PRPF4: variants seen among roughly 807,000 people sequenced by gnomAD.
PRPF4 encodes pre-mRNA splicing tri-snRNP complex factor PRPF4.
Under a neutral mutation model 72.2 loss-of-function variants are expected in PRPF4, and 14 were observed. The ratio of observed to expected loss-of-function variants is 0.19; its 90% CI spans 0.13 to 0.30. The LOEUF is 0.30. Ranked by LOEUF, PRPF4 falls within the 10% of genes least tolerant of loss-of-function variation. The pLI, the probability that PRPF4 is intolerant of heterozygous loss-of-function variation, is 1.00. For missense variants in PRPF4, 478 were observed against 653.9 expected (o/e 0.73, Z 2.93); for synonymous variants, 225 against 232.2 (o/e 0.97, Z 0.28).
chr9:113,280,341 C>T (rs139827581), intron 3 of PRPF4, among the ~76,000 whole-genome samples: 239 of 152,278 alleles, frequency 1.6e-3, no homozygotes, highest in South Asian at 0.013. Context: ...ATCAGCTCTA[C>T]TCCCATGGCA....
At chr9:113,282,307 T>C (rs150181753) in intron 3 of PRPF4, among the ~76,000 whole-genome samples, 62 of 152,190 alleles carry the variant, frequency 4.1e-4, no homozygotes, top group African/African-American at 1.5e-3. Flanking sequence ...CCCTTCTCTC[T>C]ACAGAAAAAT....
chr9:113,276,705 G>T lies in PRPF4; in HGVS notation c.185G>T (p.Gly62Val). The T allele has an allele frequency of 6.2e-7, 1 of 1,613,104 alleles. No homozygotes were observed. Among genetic ancestry groups the T allele is most frequent in the Non-Finnish European group, 8.5e-7 (1 of 1,179,580 alleles). Residue 62 changes from glycine to valine, a missense_variant, in exon 2 of 14, where the codon GGA becomes GTA. Coordinates refer to ENST00000374198, the MANE Select transcript of PRPF4 (RefSeq NM_001244926.2). Reference sequence around the variant, plus strand: ...GGACTTAAAGCAGGGATCGAAGCTGGAAATATTAATATAACCTCTGGTAAG... The same window carrying T: ...GGACTTAAAGCAGGGATCGAAGCTGTAAATATTAATATAACCTCTGGTAAG... ...KDGLKAGIEAGNINITSGEVF... is the reference protein window; with the variant it reads ...KDGLKAGIEAVNINITSGEVF...
chr9:113,282,781 G>A (rs760373913), intron 4 of PRPF4, 48 bp downstream of exon 4: 2 of 1,420,506 alleles, frequency 1.4e-6, no homozygotes, highest in Non-Finnish European at 2.0e-6. Context: ...GGAAATGAGG[G>A]GATAGGTCTC....
intron 8 of PRPF4, 31 bp downstream of exon 8, chr9:113,286,321 T>G: frequency 6.4e-7 from 1 of 1,568,674 alleles, no homozygotes; most frequent in South Asian, 1.1e-5. Context: ...AATCTCGGTC[T>G]TTTTCCCAGT....
intron 2 of PRPF4, 25 bp downstream of exon 2, chr9:113,276,750 C>T (rs1316801283): frequency 6.3e-7 from 1 of 1,583,104 alleles, no homozygotes; most frequent in African/African-American, 1.4e-5. Flanking sequence ...GTGAGCCCAT[C>T]TTTACCTCTT....
chr9:113,292,508 G>C lies in PRPF4; in HGVS notation c.*848G>C. 1 of 152,220 alleles carries C rather than the reference G, an allele frequency of 6.6e-6. No individual in the cohort carries two copies. The highest frequency in any genetic ancestry group is 6.5e-5 in the Admixed American group (1 of 15,280). 9.4% of individuals were successfully genotyped at this position (152,220 alleles called of 1,614,324 possible). A position where few individuals can be genotyped will look rare whatever the true frequency, so the allele number is the denominator to read the frequency against. On this transcript the variant is annotated 3_prime_UTR_variant, in exon 14 of 14. Transcript: ENST00000374198. ...GCAGCCACGCCGATGGTTATACAGT[G>C]AAGAAGACTTCACCTCTTCCTATTG...
intron 10 of PRPF4, among the ~76,000 whole-genome samples, chr9:113,288,907 A>G (rs552550771): frequency 1.2e-4 from 19 of 152,348 alleles, no homozygotes; most frequent in African/African-American, 4.6e-4. Context: ...GTTATAATTT[A>G]CATACAATGG....
chr9:113,285,459 A>T (rs1350434770), intron 7 of PRPF4, among the ~76,000 whole-genome samples: 4 of 133,300 alleles, frequency 3.0e-5, no homozygotes, highest in African/African-American at 8.5e-5. Context: ...GCTCACTGCA[A>T]GCTCCACCTC....
intron 13 of PRPF4, 100 bp downstream of exon 13, chr9:113,291,116 A>G: frequency 8.1e-7 from 1 of 1,232,514 alleles, no homozygotes; most frequent in Non-Finnish European, 1.2e-6. Flanking sequence ...GCAGTAAAAC[A>G]GGAGAGAAAT....
chr9:113,280,871 C>G (rs1433690175), intron 3 of PRPF4, among the ~76,000 whole-genome samples: 1 of 151,774 alleles, frequency 6.6e-6, no homozygotes, highest in South Asian at 2.1e-4. Flanking sequence ...AACGGAGTCT[C>G]GCTCTGTCAC....
At chr9:113,277,210 TTTC>T (rs1330204472) in intron 2 of PRPF4, among the ~76,000 whole-genome samples, 1 of 152,176 alleles carries the variant, frequency 6.6e-6, no homozygotes, top group East Asian at 1.9e-4. Flanking sequence ...TTATATAGTT[TTTC>T]TTCTATGAGT....
At chr9:113,277,589 T>A (rs1271229381) in intron 2 of PRPF4, among the ~76,000 whole-genome samples, 1 of 152,110 alleles carries the variant, frequency 6.6e-6, no homozygotes, top group Non-Finnish European at 1.5e-5. Context: ...TTTCACCATG[T>A]TGCCCAGGCT....
In PRPF4 at chr9:113,279,066, T is replaced by C; in HGVS notation, c.327T>C (p.Ala109=). ...CCACAGATGACTCAGAGGTCAAAGC[T>C]TGCCTTAGAGCCTTGGGGGAACCCA... ...NVSTDDSEVK[A]CLRALGEPIT... The change falls in exon 3 of 14, where the codon GCT becomes GCC. Residue 109 remains alanine, a synonymous_variant. Transcript: ENST00000374198. 6.2e-7 allele frequency: 1 copy of C among 1,614,224 alleles called. No individual in the cohort carries two copies. Among genetic ancestry groups the C allele is most frequent in the Non-Finnish European group, 8.5e-7 (1 of 1,180,040 alleles).
intron 5 of PRPF4, 51 bp downstream of exon 5, chr9:113,283,262 C>T: frequency 1.2e-6 from 2 of 1,614,016 alleles, no homozygotes; most frequent in Non-Finnish European, 1.7e-6. Flanking sequence ...GTGTGTGTTT[C>T]CTCTCAGGAA....
Position 113,286,721 on chromosome 9 carries a change from A to G in PRPF4, c.825A>G (p.Val275=). 3 of 1,614,212 alleles carry G rather than the reference A, an allele frequency of 1.9e-6. No individual in the cohort carries two copies. The South Asian group carries it at 3.3e-5, about 18-fold the overall frequency. ...LHTLRGHNTN[V]GAIVFHPKST... is the part of the protein sequence containing the mutation. Reference sequence around the variant, plus strand: ...CTCCTTTAGGGCATAACACAAATGTAGGAGCAATTGTATTCCATCCCAAAT... The same window carrying G: ...CTCCTTTAGGGCATAACACAAATGTGGGAGCAATTGTATTCCATCCCAAAT... Residue 275 remains valine (V), a synonymous_variant, in exon 9 of 14, where the codon GTA becomes GTG. Coordinates refer to ENST00000374198, the MANE Select transcript of PRPF4 (RefSeq NM_001244926.2).
At chr9:113,291,443 A>T (rs373926731) in intron 13 of PRPF4, 24 bp from the exon 14 acceptor site, 4 of 1,584,702 alleles carry the variant, frequency 2.5e-6, no homozygotes, top group Non-Finnish European at 3.5e-6. Flanking sequence ...TTCCTCAAGC[A>T]ATTCCCCTTC....
chr9:113,276,336 T>G (rs1429989629), intron 1 of PRPF4, among the ~76,000 whole-genome samples: 2 of 152,202 alleles, frequency 1.3e-5, no homozygotes, highest in African/African-American at 4.8e-5. Context: ...CTAGTTTTAT[T>G]AATCCCATCA....
chr9:113,286,929 C>A, intron 9 of PRPF4, 101 bp downstream of exon 9: 2 of 1,532,138 alleles, frequency 1.3e-6, no homozygotes, highest in Non-Finnish European at 1.8e-6. Context: ...TTAGGCCATG[C>A]GCAGTGGCTC....
At chr9:113,279,771 CATTT>C (rs774250389) in intron 3 of PRPF4, among the ~76,000 whole-genome samples, 4 of 152,174 alleles carry the variant, frequency 2.6e-5, no homozygotes, top group Non-Finnish European at 5.9e-5. Context: ...ATTGGATAAA[CATTT>C]GTTGTTGGGC....
Sources: gnomAD v4.1 joint callset for allele counts (sites outside exome capture counted in the v4.1 genomes callset) on GRCh38, gnomAD v4.1.1 for gene constraint, MANE v1.5 for transcripts, NCBI Gene and HGNC (gene_info 2026-07-23, HGNC 2026-07-21) for gene names.